AGPAT5: variants seen among roughly 807,000 people sequenced by gnomAD.
AGPAT5 encodes the protein 1-acylglycerol-3-phosphate O-acyltransferase 5.
AGPAT5 carries 46 observed loss-of-function variants against 45.6 expected under a neutral mutation model. The observed-to-expected ratio is 1.01, with a 90% CI of 0.80 to 1.29. The LOEUF is 1.29. Ranked by LOEUF, AGPAT5 falls within the 50% of genes most tolerant of loss-of-function variation. The pLI is 0.00. For synonymous variants in AGPAT5, 272 were observed against 167.0 expected (o/e 1.63, Z -4.85); for missense variants, 673 against 450.7 (o/e 1.49, Z -4.47).
chr8:6,720,189 G>C (rs1024063518), intron 1 of AGPAT5, among the ~76,000 whole-genome samples: 1 of 152,062 alleles, frequency 6.6e-6, no homozygotes, highest in Admixed American at 6.6e-5. Context: ...ATGTGCTGTG[G>C]GAGTCAGTGA....
At chr8:6,746,965 C>T (rs1277151536) in intron 5 of AGPAT5, among the ~76,000 whole-genome samples, 13 of 152,080 alleles carry the variant, frequency 8.5e-5, no homozygotes, top group Non-Finnish European at 1.3e-4. Flanking sequence ...GCAGTAGTCC[C>T]CCAGCTAAAG....
chr8:6,756,958 A>G (rs1296789615), intron 7 of AGPAT5, among the ~76,000 whole-genome samples: 1 of 152,264 alleles, frequency 6.6e-6, no homozygotes, highest in Non-Finnish European at 1.5e-5. Context: ...TATACAATTC[A>G]TGTATACTAA....
In AGPAT5 at chr8:6,761,244, CAG is replaced by C. The variant is rs1488240217; in HGVS notation, c.*3858_*3859del. On this transcript the variant is annotated 3_prime_UTR_variant, in exon 8 of 8. Coordinates refer to ENST00000285518, the MANE Select transcript of AGPAT5 (RefSeq NM_018361.5). ...AAAATGTTTATTGATGTTGATGAAA[CAG>C]ATCAGTTTTTCCATCCGGATTATTA... is the stretch of plus-strand genomic sequence containing the variant. 2.2e-4 allele frequency among the ~76,000 whole-genome samples: 34 copies of C among 152,136 alleles called. No individual in the cohort carries two copies. The highest frequency in any genetic ancestry group is 1.2e-3 in the Admixed American group (19 of 15,280).
At chr8:6,718,387 G>A (rs975614854) in intron 1 of AGPAT5, among the ~76,000 whole-genome samples, 5 of 152,198 alleles carry the variant, frequency 3.3e-5, no homozygotes, top group African/African-American at 1.2e-4. Context: ...GGTCTTGTGT[G>A]TACAGTCGTG....
At position 6,757,394 on chromosome 8, in the gene AGPAT5, T is replaced by C. The variant is rs148056466; in HGVS notation, c.*6T>C. 3.7e-6 allele frequency: 6 copies of C among 1,610,928 alleles called. No individual in the cohort carries two copies. The East Asian group carries it at 1.3e-4, about 36-fold the overall frequency. On this transcript the variant is annotated 3_prime_UTR_variant, in exon 8 of 8. Transcript: ENST00000285518. ...GGGTTACTATTAAAGCATAGACAAG[T>C]AGCTGTCTCCAGACAGTGGGATGTG...
rs547688066 is a variant in AGPAT5, at chr8:6,760,291, G to A, written c.*2903G>A. 1.6e-4 allele frequency among the ~76,000 whole-genome samples: 24 copies of A among 152,122 alleles called. No individual in the cohort carries two copies. The highest frequency in any genetic ancestry group is 2.8e-4 in the Non-Finnish European group (19 of 68,028). Reference sequence around the variant, plus strand: ...ACTGAGTAGTTTGTCCCAGCTACTCGGGAGGGTGAGGTGGGAGGATCGCTT... The same window carrying A: ...ACTGAGTAGTTTGTCCCAGCTACTCAGGAGGGTGAGGTGGGAGGATCGCTT... On this transcript the variant is annotated 3_prime_UTR_variant, in exon 8 of 8. Coordinates refer to ENST00000285518, the MANE Select transcript of AGPAT5 (RefSeq NM_018361.5).
At position 6,708,684 on chromosome 8, in the gene AGPAT5, G is replaced by C. The variant is rs1227154881; in HGVS notation, c.16G>C (p.Val6Leu). 6 of 1,599,614 alleles carry C rather than the reference G, an allele frequency of 3.8e-6. No homozygotes were observed. The African/African-American group carries it at 5.4e-5, about 14-fold the overall frequency. ...AGCTGAGAAGATGCTGCTGTCCCTG[G>C]TGCTCCACACGTACTCCATGCGCTA... MLLSL[V>L]LHTYSMRYLL... Residue 6 changes from valine to leucine, a missense_variant, in exon 1 of 8, where the codon GTG (valine) becomes CTG (leucine). Physicochemically the swap from Val to Leu is conservative, Grantham distance 32. Coordinates refer to ENST00000285518, the MANE Select transcript of AGPAT5 (RefSeq NM_018361.5).
intron 1 of AGPAT5, among the ~76,000 whole-genome samples, chr8:6,709,814 G>A (rs979994607): frequency 1.3e-5 from 2 of 152,028 alleles, no homozygotes; most frequent in Non-Finnish European, 2.9e-5. Flanking sequence ...ACCCTTGATG[G>A]CCCCAGTTGG....
At chr8:6,747,349 C>G (rs913154416) in intron 5 of AGPAT5, among the ~76,000 whole-genome samples, 1 of 152,210 alleles carries the variant, frequency 6.6e-6, no homozygotes, top group Non-Finnish European at 1.5e-5. Context: ...CACCTTTGTT[C>G]AGTGGCCAGA....
chr8:6,720,065 C>T (rs1459339296), intron 1 of AGPAT5, among the ~76,000 whole-genome samples: 2 of 152,130 alleles, frequency 1.3e-5, no homozygotes, highest in East Asian at 1.9e-4. Context: ...GGAACTCATG[C>T]TTCTAGTTCT....
At chr8:6,732,694 T>G (rs1378232627) in intron 4 of AGPAT5, 44 bp downstream of exon 4, 2 of 1,439,886 alleles carry the variant, frequency 1.4e-6, no homozygotes, top group South Asian at 1.3e-5. Flanking sequence ...GCTCTCAGTT[T>G]CTAAATTTAA....
At position 6,726,124 on chromosome 8, in the gene AGPAT5, C is replaced by G. The variant is rs368545043; in HGVS notation, c.289+1185C>G. ...CTATTTTATCTAATTACATTTCACTCTTGGCAAAAATAGCAAAACAGTCAA... is the reference window on the plus strand; with the variant it reads ...CTATTTTATCTAATTACATTTCACTGTTGGCAAAAATAGCAAAACAGTCAA... On this transcript the variant is annotated intron_variant, in intron 2 of 7. Coordinates refer to ENST00000285518, the MANE Select transcript of AGPAT5 (RefSeq NM_018361.5). Among the ~76,000 whole-genome samples, 304 of 152,322 alleles carry G rather than the reference C, an allele frequency of 2.0e-3. 12 individuals are homozygous for G. The South Asian group carries it at 0.059, about 30-fold the overall frequency.
intron 4 of AGPAT5, among the ~76,000 whole-genome samples, chr8:6,739,961 T>C (rs1801188586): frequency 1.3e-5 from 2 of 152,158 alleles, no homozygotes; most frequent in South Asian, 4.1e-4. Flanking sequence ...TATCATGATA[T>C]GTAACGACAT....
At chr8:6,756,397 C>T (rs1387563930) in intron 7 of AGPAT5, among the ~76,000 whole-genome samples, 1 of 152,010 alleles carries the variant, frequency 6.6e-6, no homozygotes, top group Non-Finnish European at 1.5e-5. Context: ...GAGGCTAAGG[C>T]AGGCAAATTG....
chr8:6,737,140 G>A (rs892958147), intron 4 of AGPAT5, among the ~76,000 whole-genome samples: 3 of 152,174 alleles, frequency 2.0e-5, no homozygotes, highest in Non-Finnish European at 4.4e-5. Context: ...TATGTTCCTA[G>A]CGCAGTGTGG....
At chr8:6,710,099 A>T (rs1800101550) in intron 1 of AGPAT5, among the ~76,000 whole-genome samples, 1 of 152,214 alleles carries the variant, frequency 6.6e-6, no homozygotes, top group Admixed American at 6.5e-5. Flanking sequence ...GATGGGATAT[A>T]AGCTCAGAAC....
chr8:6,753,443 G>T (rs1422077365), intron 6 of AGPAT5, among the ~76,000 whole-genome samples: 1 of 152,194 alleles, frequency 6.6e-6, no homozygotes, highest in Non-Finnish European at 1.5e-5. Flanking sequence ...CTTTTTATGT[G>T]TCAGAAATAG....
At chr8:6,755,737 A>G (rs1315202147) in intron 7 of AGPAT5, among the ~76,000 whole-genome samples, 2 of 152,238 alleles carry the variant, frequency 1.3e-5, no homozygotes, top group South Asian at 2.1e-4. Flanking sequence ...TCAAGAAACT[A>G]TCATTGTTCT....
chr8:6,751,525 G>T (rs1345181755), intron 6 of AGPAT5, among the ~76,000 whole-genome samples: 1 of 152,172 alleles, frequency 6.6e-6, no homozygotes, highest in African/African-American at 2.4e-5. Flanking sequence ...TCACCTTCAT[G>T]AGGTCTTATG....
Sources: allele counts gnomAD v4.1 joint callset (sites outside exome capture counted in the v4.1 genomes callset), GRCh38; gene constraint gnomAD v4.1.1; transcripts MANE v1.5; gene names NCBI Gene and HGNC (gene_info 2026-07-23, HGNC 2026-07-21).